ATG14: variants seen among roughly 807,000 people sequenced by gnomAD.
ATG14 encodes the protein autophagy related 14, also known as beclin 1-associated autophagy-related key regulator.
A neutral mutation model predicts 60.4 loss-of-function variants in ATG14; 35 were observed. That is an observed-to-expected ratio of 0.58 (90% confidence interval 0.44 to 0.77). ATG14 has a LOEUF of 0.77. Ranked by LOEUF, ATG14 falls within the 30% of genes least tolerant of loss-of-function variation. The pLI, the probability that ATG14 is intolerant of heterozygous loss-of-function variation, is 0.00. For synonymous variants in ATG14, 234 were observed against 228.8 expected (o/e 1.02, Z -0.21); for missense variants, 647 against 626.3 (o/e 1.03, Z -0.35).
chr14:55,380,855 G>A (rs7145727), intron 6 of ATG14, among the ~76,000 whole-genome samples, 165 bp from the exon 7 acceptor site: 52,255 of 116,424 alleles, frequency 0.45, 13,102 homozygotes, highest in African/African-American at 0.68. Flanking sequence ...TTCTTTGTGT[G>A]TATATATATA....
rs771006315 is a variant in ATG14 at position 55,385,966 on chromosome 14, G to C, written c.540C>G (p.Thr180=). 10 of 1,614,000 alleles carry C rather than the reference G, an allele frequency of 6.2e-6. No homozygotes were observed. In the South Asian group the frequency reaches 9.9e-5, roughly 16 times the overall value. Reference sequence around the variant, plus strand: ...GCTCATAATGACTTCTTAAGTCAATGGTCTTTTTTTCTACCAGGTCACCAA... The same window carrying C: ...GCTCATAATGACTTCTTAAGTCAATCGTCTTTTTTTCTACCAGGTCACCAA... ...RKLGDLVEKK[T]IDLRSHYERL... Residue 180 remains threonine (T), a synonymous_variant, in exon 5 of 10, where the codon ACC becomes ACG. Coordinates refer to ENST00000247178, the MANE Select transcript of ATG14 (RefSeq NM_014924.5).
At position 55,369,555 on chromosome 14, in the gene ATG14, T is replaced by C; in HGVS notation, c.*64A>G. 1 of 1,353,918 alleles carries C rather than the reference T, an allele frequency of 7.4e-7. No homozygotes were observed. The highest frequency in any genetic ancestry group is 9.9e-7 in the Non-Finnish European group (1 of 1,009,880). The allele number at this position is 1,353,918 out of a possible 1,614,324, so 83.9% of individuals were successfully genotyped here. The stretch of plus-strand genomic sequence containing the variant: ...TATCTTAACTTAAACAGAAAATGTT[T>C]ACTAGAGTGTAGTGGGAGAAGAACT... On this transcript the variant is annotated 3_prime_UTR_variant, in exon 10 of 10. Transcript: ENST00000247178.
intron 5 of ATG14, among the ~76,000 whole-genome samples, chr14:55,383,070 TA>T (rs1885062583): frequency 1.3e-5 from 2 of 152,196 alleles, no homozygotes; most frequent in African/African-American, 4.8e-5. Context: ...AAAGAGCAGC[TA>T]GTTCAGCGTG....
intron 8 of ATG14, 32 bp downstream of exon 8, chr14:55,377,952 G>A: frequency 1.3e-6 from 2 of 1,591,866 alleles, no homozygotes. Flanking sequence ...ATTTAACAAA[G>A]TAAAAATTAG....
intron 9 of ATG14, among the ~76,000 whole-genome samples, chr14:55,377,177 T>C (rs1884933757): frequency 6.6e-6 from 1 of 152,034 alleles, no homozygotes; most frequent in Admixed American, 6.6e-5. Context: ...TGAAACCCTG[T>C]CTCTACTAAA....
Position 55,378,034 on chromosome 14 carries a change from G to T in ATG14, c.1036C>A (p.Arg346=). 6.2e-7 allele frequency: 1 copy of T among 1,612,898 alleles called. No homozygotes were observed. The highest frequency in any genetic ancestry group is 1.1e-5 in the South Asian group (1 of 90,990). ...GENLSKQKFT[R]AVKKLNANIL... ...TTTGCATTCAGTTTCTTCACTGCTC[G>T]AGTAAATTTCTGCTTGCTTAGATTT... The change falls in exon 8 of 10, where the codon CGA becomes AGA. Residue 346 remains arginine, a synonymous_variant. Coordinates refer to ENST00000247178, the MANE Select transcript of ATG14 (RefSeq NM_014924.5).
intron 4 of ATG14, among the ~76,000 whole-genome samples, chr14:55,386,863 A>T (rs1162753727): frequency 6.6e-6 from 1 of 152,218 alleles, no homozygotes; most frequent in Non-Finnish European, 1.5e-5. Flanking sequence ...TCAGACAGAT[A>T]TCTAGGAGTT....
intron 4 of ATG14, 113 bp from the exon 5 acceptor site, chr14:55,386,209 A>C: frequency 1.2e-6 from 1 of 863,320 alleles, no homozygotes; most frequent in Non-Finnish European, 1.8e-6. Context: ...CTGAAAGCAA[A>C]ACCTGAATAA....
intron 3 of ATG14, chr14:55,395,176 T>A: frequency 2.2e-6 from 1 of 449,842 alleles, no homozygotes; most frequent in South Asian, 1.7e-5. Context: ...CGTGCCGATC[T>A]CCTCTTGGGC....
At chr14:55,381,862 T>C (rs1885039113) in intron 6 of ATG14, 100 bp downstream of exon 6, 10 of 942,958 alleles carry the variant, frequency 1.1e-5, no homozygotes, top group Non-Finnish European at 1.6e-5. Flanking sequence ...ATGTACTAAA[T>C]GCCCCTGAAT....
intron 3 of ATG14, among the ~76,000 whole-genome samples, chr14:55,391,730 G>A (rs1341299672): frequency 6.6e-6 from 1 of 152,142 alleles, no homozygotes; most frequent in Admixed American, 6.5e-5. Flanking sequence ...GGACAGCGCA[G>A]ATACAGAACT....
intron 3 of ATG14, among the ~76,000 whole-genome samples, chr14:55,394,484 T>C (rs1046243434): frequency 2.0e-5 from 3 of 152,204 alleles, no homozygotes; most frequent in Non-Finnish European, 4.4e-5. Context: ...ACTTTCCTTA[T>C]AAAGTCATCA....
At chr14:55,407,703 A>T (rs1386717837) in intron 1 of ATG14, among the ~76,000 whole-genome samples, 1 of 152,340 alleles carries the variant, frequency 6.6e-6, no homozygotes, top group East Asian at 1.9e-4. Flanking sequence ...TACATTCTGG[A>T]TGTGGCTATC....
At chr14:55,396,702 T>C (rs1022015692) in intron 2 of ATG14, among the ~76,000 whole-genome samples, 9 of 152,166 alleles carry the variant, frequency 5.9e-5, no homozygotes, top group Non-Finnish European at 1.2e-4. Context: ...AAAGAGAAAC[T>C]GAATGAAGGC....
At chr14:55,370,763 C>A (rs1349497903) in intron 9 of ATG14, among the ~76,000 whole-genome samples, 2 of 151,710 alleles carry the variant, frequency 1.3e-5, no homozygotes, top group Non-Finnish European at 2.9e-5. Flanking sequence ...GCCTCAACCT[C>A]CTGAGTAGCT....
chr14:55,399,208 G>C (rs1290771745), intron 1 of ATG14, among the ~76,000 whole-genome samples: 4 of 152,022 alleles, frequency 2.6e-5, no homozygotes, highest in Admixed American at 1.3e-4. Flanking sequence ...AACAGAAAAA[G>C]CAAATAGGCA....
chr14:55,375,273 A>C (rs1332791397), intron 9 of ATG14, among the ~76,000 whole-genome samples: 1 of 152,176 alleles, frequency 6.6e-6, no homozygotes, highest in Non-Finnish European at 1.5e-5. Flanking sequence ...TTTTTCCATT[A>C]AATTTCCAAA....
In ATG14 at chr14:55,377,803, A is replaced by T; in HGVS notation, c.1172+16T>A. ...TCACAAAAACACTTAGAGAAAAGCA[A>T]CAAATATCTTCTTACCTGCCTAGGT... is the stretch of plus-strand genomic sequence containing the variant. On this transcript the variant is annotated intron_variant, in intron 9 of 9. Transcript: ENST00000247178. The T allele has an allele frequency of 6.5e-7, 1 of 1,543,076 alleles. No homozygotes were observed. Among genetic ancestry groups the T allele is most frequent in the Non-Finnish European group, 8.8e-7 (1 of 1,142,246 alleles).
intron 9 of ATG14, among the ~76,000 whole-genome samples, chr14:55,377,059 T>A (rs1037191718): frequency 6.6e-6 from 1 of 152,108 alleles, no homozygotes; most frequent in Admixed American, 6.6e-5. Flanking sequence ...GATAAGAAAA[T>A]TGTGTGGCCA....
Sources: gnomAD v4.1 joint callset for allele counts (sites outside exome capture counted in the v4.1 genomes callset) on GRCh38, gnomAD v4.1.1 for gene constraint, MANE v1.5 for transcripts, NCBI Gene and HGNC (gene_info 2026-07-23, HGNC 2026-07-21) for gene names.